Variants in DCC observed in about 807,000 individuals in gnomAD.
DCC encodes the protein netrin receptor DCC.
A neutral mutation model predicts 172.5 loss-of-function variants in DCC; 58 were observed. The ratio of observed to expected loss-of-function variants is 0.34; its 90% CI spans 0.27 to 0.42. The LOEUF (loss-of-function observed/expected upper bound fraction) is 0.42, where lower values mean the gene tolerates loss of function less well. Among genes scored for constraint, DCC ranks in the 10% least tolerant of loss-of-function variants. The pLI, the probability that DCC is intolerant of heterozygous loss-of-function variation, is 1.00. For missense variants in DCC, 1,740 were observed against 1,791.0 expected, an observed-to-expected ratio of 0.97 and a Z score of 0.51; for synonymous variants, 709 against 644.5, an observed-to-expected ratio of 1.10 and a Z score of -1.52.
intron 7 of DCC, among the ~76,000 whole-genome samples, chr18:53,067,948 A>T (rs2042597740): frequency 1.3e-5 from 2 of 152,250 alleles, no homozygotes; most frequent in African/African-American, 4.8e-5. Context: ...GAAGATTCAC[A>T]GCAGTGCTCA....
intron 15 of DCC, among the ~76,000 whole-genome samples, chr18:53,375,673 G>T (rs2058103441): frequency 1.5e-5 from 2 of 129,644 alleles, no homozygotes; most frequent in East Asian, 2.4e-4. Context: ...CTGTGTGTTT[G>T]GTTATAAGGT....
chr18:52,929,862 A>ACACACACACACT (rs1491076661), intron 5 of DCC, among the ~76,000 whole-genome samples: 4 of 129,316 alleles, frequency 3.1e-5, no homozygotes, highest in Non-Finnish European at 6.8e-5. Flanking sequence ...ACACACACAC[A>ACACACACACACT]CTCACGTTTG....
chr18:52,906,098 C>T lies in DCC; in HGVS notation c.467C>T (p.Thr156Ile). The T allele has an allele frequency of 6.2e-7, 1 of 1,612,992 alleles. No individual in the cohort carries two copies. The highest frequency in any genetic ancestry group is 8.5e-7 in the Non-Finnish European group (1 of 1,178,990). ...TCTGTCACAGCCTTCATGGGAGACACAGTGCTACTCAAGTGTGAAGTCATT... is the reference window on the plus strand; with the variant it reads ...TCTGTCACAGCCTTCATGGGAGACATAGTGCTACTCAAGTGTGAAGTCATT... ...TESVTAFMGD[T>I]VLLKCEVIGE... Residue 156 changes from threonine to isoleucine, a missense_variant, in exon 3 of 29, where the codon ACA (threonine) becomes ATA (isoleucine). Around this residue, in one of 2 missense-constraint regions of DCC, gnomAD observed 1,732 missense variants for 1,767.4 expected, o/e 0.98. Transcript: ENST00000442544.
chr18:53,428,117 AT>A (rs1911155630), intron 21 of DCC, among the ~76,000 whole-genome samples: 1 of 30,918 alleles, frequency 3.2e-5, no homozygotes, highest in African/African-American at 1.7e-4. Context: ...ATATAATAAT[AT>A]ATAATATATA....
chr18:53,234,991 C>T (rs1247110291), intron 12 of DCC, among the ~76,000 whole-genome samples: 1 of 152,080 alleles, frequency 6.6e-6, no homozygotes, highest in African/African-American at 2.4e-5. Flanking sequence ...GTTTGAAAAA[C>T]CTCATGAGGA....
intron 15 of DCC, among the ~76,000 whole-genome samples, chr18:53,344,764 T>C (rs150793118): frequency 8.1e-4 from 123 of 151,978 alleles, no homozygotes; most frequent in African/African-American, 2.8e-3. Flanking sequence ...AATAGCACTT[T>C]AGCAATATGT....
intron 5 of DCC, among the ~76,000 whole-genome samples, chr18:52,984,815 C>G (rs114698769): frequency 0.013 from 2,052 of 152,132 alleles, 40 homozygotes; most frequent in African/African-American, 0.046. Flanking sequence ...AAGTATGTGC[C>G]TCTCAAGCAT....
intron 12 of DCC, among the ~76,000 whole-genome samples, chr18:53,258,566 G>C (rs931173215): frequency 6.6e-6 from 1 of 152,112 alleles, no homozygotes; most frequent in Middle Eastern, 3.4e-3. Context: ...ATTGCACTGT[G>C]GTCTGAGAGA....
intron 2 of DCC, among the ~76,000 whole-genome samples, chr18:52,889,442 G>A (rs551143595): frequency 6.6e-6 from 1 of 152,150 alleles, no homozygotes; most frequent in East Asian, 1.9e-4. Context: ...GCTGTGCTGG[G>A]CTGAGACTAC....
intron 25 of DCC, among the ~76,000 whole-genome samples, chr18:53,469,249 G>C (rs2045665796): frequency 6.6e-6 from 1 of 152,038 alleles, no homozygotes; most frequent in African/African-American, 2.4e-5. Context: ...AAAAAAACCT[G>C]GTAAAATAAG....
chr18:53,195,342 G>A (rs62099230), intron 9 of DCC, among the ~76,000 whole-genome samples: 44,749 of 151,984 alleles, frequency 0.29, 8,138 homozygotes, highest in Non-Finnish European at 0.42. Flanking sequence ...CAAGCATCTT[G>A]AGAAAAATGG....
At position 53,359,897 on chromosome 18, in the gene DCC, T is replaced by A. The variant is rs185804511; in HGVS notation, c.2359+19990T>A. On this transcript the variant is annotated intron_variant, in intron 15 of 28. Coordinates refer to ENST00000442544, the MANE Select transcript of DCC (RefSeq NM_005215.4). Reference sequence around the variant, plus strand: ...GACTTATCCATCTTCGAGGCTTGTATCCCATCTTCTTCTGCATAATATCAT... The same window carrying A: ...GACTTATCCATCTTCGAGGCTTGTAACCCATCTTCTTCTGCATAATATCAT... Among the ~76,000 whole-genome samples the A allele has an allele frequency of 3.0e-4, 45 of 152,274 alleles. No individual in the cohort carries two copies. In the East Asian group the frequency reaches 7.9e-3, roughly 27 times the overall value.
At chr18:52,755,435 G>A (rs1678007659) in intron 2 of DCC, among the ~76,000 whole-genome samples, 1 of 152,180 alleles carries the variant, frequency 6.6e-6, no homozygotes, top group Non-Finnish European at 1.5e-5. Flanking sequence ...ACAAGGATAG[G>A]CACACGGATT....
intron 2 of DCC, among the ~76,000 whole-genome samples, chr18:52,848,082 ATTTTTTTT>A (rs11291428): frequency 3.9e-5 from 5 of 127,392 alleles, no homozygotes; most frequent in Non-Finnish European, 6.4e-5. Context: ...GACTTTTCTA[ATTTTTTTT>A]TTTTTTTTTT....
chr18:52,787,375 G>A (rs947077472), intron 2 of DCC, among the ~76,000 whole-genome samples: 2 of 152,012 alleles, frequency 1.3e-5, no homozygotes. Context: ...ACAAAGCAAG[G>A]TGACAATTGT....
At chr18:53,436,311 T>C (rs1599149443) in intron 22 of DCC, among the ~76,000 whole-genome samples, 1 of 152,240 alleles carries the variant, frequency 6.6e-6, no homozygotes, top group Admixed American at 6.5e-5. Flanking sequence ...TCTTGGCTGC[T>C]GTACAGTATT....
intron 1 of DCC, among the ~76,000 whole-genome samples, chr18:52,468,598 C>T (rs890297694): frequency 6.6e-6 from 1 of 152,130 alleles, no homozygotes; most frequent in Non-Finnish European, 1.5e-5. Flanking sequence ...ATATGTTTAG[C>T]AATGTAAACA....
chr18:53,246,134 C>A (rs1416877712), intron 12 of DCC, among the ~76,000 whole-genome samples: 2 of 152,062 alleles, frequency 1.3e-5, no homozygotes, highest in African/African-American at 4.8e-5. Flanking sequence ...TCTCAGATTT[C>A]TCCTTAACCT....
chr18:53,172,340 A>C (rs895712078), intron 8 of DCC, among the ~76,000 whole-genome samples: 4 of 150,792 alleles, frequency 2.7e-5, no homozygotes, highest in Non-Finnish European at 5.9e-5. Flanking sequence ...GCAGGAGGGC[A>C]AGGGTTGAAA....
Sources: allele counts gnomAD v4.1 joint callset (sites outside exome capture counted in the v4.1 genomes callset), GRCh38; gene constraint gnomAD v4.1.1; regional missense constraint gnomAD v4.1.1; transcripts MANE v1.5; gene names NCBI Gene and HGNC (gene_info 2026-07-23, HGNC 2026-07-21).